The following AGPAT5 variants were observed in gnomAD, a reference collection of about 807,000 sequenced individuals.
The protein encoded by AGPAT5 is 1-acylglycerol-3-phosphate O-acyltransferase 5, also known as 1-acyl-sn-glycerol-3-phosphate acyltransferase epsilon.
AGPAT5 carries 46 observed loss-of-function variants against 45.6 expected under a neutral mutation model. The observed-to-expected ratio is 1.01, with a 90% CI of 0.80 to 1.29. The LOEUF (loss-of-function observed/expected upper bound fraction) is 1.29. Ranked by LOEUF, AGPAT5 falls within the 50% of genes most tolerant of loss-of-function variation. AGPAT5 has a pLI of 0.00. For missense variants in AGPAT5, 673 were observed against 450.7 expected (o/e 1.49, Z -4.47); for synonymous variants, 272 against 167.0 (o/e 1.63, Z -4.85).
At chr8:6,735,092 TGA>T (rs1221360771) in intron 4 of AGPAT5, among the ~76,000 whole-genome samples, 1 of 152,214 alleles carries the variant, frequency 6.6e-6, no homozygotes, top group African/African-American at 2.4e-5. Flanking sequence ...GAGCCTTCTC[TGA>T]TCCTGCCTTG....
chr8:6,727,191 T>G (rs766120538), intron 2 of AGPAT5, among the ~76,000 whole-genome samples: 1 of 152,222 alleles, frequency 6.6e-6, no homozygotes, highest in Non-Finnish European at 1.5e-5. Flanking sequence ...CCGGAATAAA[T>G]GAGTTTCCTG....
intron 1 of AGPAT5, among the ~76,000 whole-genome samples, chr8:6,714,965 C>G (rs1044349279): frequency 6.6e-6 from 1 of 152,122 alleles, no homozygotes; most frequent in Non-Finnish European, 1.5e-5. Context: ...ATTATGGTTT[C>G]TTAACTAGAG....
intron 1 of AGPAT5, among the ~76,000 whole-genome samples, chr8:6,711,014 T>C (rs1051054684): frequency 5.3e-5 from 8 of 152,152 alleles, no homozygotes; most frequent in Non-Finnish European, 7.4e-5. Context: ...AAGGGAGTTT[T>C]AGTAATTTAA....
intron 1 of AGPAT5, among the ~76,000 whole-genome samples, chr8:6,710,976 T>C (rs1408301438): frequency 1.3e-5 from 2 of 152,178 alleles, no homozygotes; most frequent in Non-Finnish European, 2.9e-5. Flanking sequence ...TCTCTTGTTC[T>C]GTATAAAGTA....
In AGPAT5 at chr8:6,755,018, T is replaced by TA. The variant is rs539276684; in HGVS notation, c.746-24dup. On this transcript the variant is annotated intron_variant, in intron 6 of 7. Transcript: ENST00000285518. ...TATATGACCATGAGTTCTAAAATAG[T>TA]AAAAAAAAAGAATTATTTTTGTTCT... 897 of 1,505,252 alleles carry TA rather than the reference T, an allele frequency of 6.0e-4. 1 individual carries two copies. The highest frequency in any genetic ancestry group is 4.0e-3 in the South Asian group (320 of 79,496). The allele number at this position is 1,505,252 out of a possible 1,614,324, so 93.2% of individuals were successfully genotyped here.
chr8:6,751,026 C>G (rs1032924774), intron 6 of AGPAT5, among the ~76,000 whole-genome samples: 1 of 152,108 alleles, frequency 6.6e-6, no homozygotes, highest in African/African-American at 2.4e-5. Flanking sequence ...TGAAAAAACT[C>G]TGCTTTCATT....
chr8:6,756,838 G>T (rs1236800075), intron 7 of AGPAT5, among the ~76,000 whole-genome samples: 5 of 152,096 alleles, frequency 3.3e-5, no homozygotes, highest in African/African-American at 1.2e-4. Context: ...AGAAGCTGCA[G>T]CGGGTTATTA....
chr8:6,731,952 T>A (rs1433352989), intron 3 of AGPAT5, among the ~76,000 whole-genome samples: 2 of 152,230 alleles, frequency 1.3e-5, no homozygotes, highest in Non-Finnish European at 2.9e-5. Context: ...TTAGAAGGAC[T>A]AGTTACACTG....
chr8:6,745,262 C>T (rs1177999151), intron 5 of AGPAT5: 2 of 154,394 alleles, frequency 1.3e-5, no homozygotes, highest in East Asian at 3.8e-4. Flanking sequence ...TTGATTCCGT[C>T]TACCCTGTCT....
intron 4 of AGPAT5, among the ~76,000 whole-genome samples, chr8:6,735,850 T>G (rs1801035155): frequency 1.8e-5 from 2 of 113,802 alleles, no homozygotes; most frequent in African/African-American, 8.0e-5. Flanking sequence ...TTATATAGCC[T>G]TTTTTTTTTT....
intron 1 of AGPAT5, among the ~76,000 whole-genome samples, chr8:6,715,886 G>A (rs1407141717): frequency 6.6e-6 from 1 of 152,294 alleles, no homozygotes; most frequent in Middle Eastern, 3.4e-3. Flanking sequence ...GAATGTTTAG[G>A]GAAAAGAGGT....
At chr8:6,714,385 T>C (rs1800253664) in intron 1 of AGPAT5, among the ~76,000 whole-genome samples, 1 of 152,214 alleles carries the variant, frequency 6.6e-6, no homozygotes, top group Admixed American at 6.5e-5. Flanking sequence ...TCTAACACAA[T>C]TAAATTCTGG....
intron 6 of AGPAT5, 64 bp from the exon 7 acceptor site, chr8:6,754,987 T>A: frequency 7.4e-7 from 1 of 1,342,390 alleles, no homozygotes; most frequent in Non-Finnish European, 9.9e-7. Flanking sequence ...ATTTTCATTT[T>A]TACTTTATAT....
chr8:6,742,517 G>C (rs564365934), intron 5 of AGPAT5, among the ~76,000 whole-genome samples: 3 of 152,146 alleles, frequency 2.0e-5, no homozygotes, highest in Admixed American at 1.3e-4. Context: ...CAAATACCTT[G>C]TTGGTGACAT....
At chr8:6,736,773 C>G (rs1388862030) in intron 4 of AGPAT5, among the ~76,000 whole-genome samples, 1 of 152,242 alleles carries the variant, frequency 6.6e-6, no homozygotes, top group Non-Finnish European at 1.5e-5. Context: ...GTTGCAGATG[C>G]ACGTGAGACC....
At position 6,735,848 on chromosome 8, in the gene AGPAT5, CCTTTTTTTTTTTT is replaced by C. The variant is rs1430752187; in HGVS notation, c.495+3199_495+3211del. On this transcript the variant is annotated intron_variant, in intron 4 of 7. Coordinates refer to ENST00000285518, the MANE Select transcript of AGPAT5 (RefSeq NM_018361.5). ...GTGTTCCTGTTTATTCTTTATATAGCCTTTTTTTTTTTTTTTTTTTTTTTGAGTTGGAGTCTCG... is the reference window on the plus strand; with the variant it reads ...GTGTTCCTGTTTATTCTTTATATAGCTTTTTTTTTTTGAGTTGGAGTCTCG... Among the ~76,000 whole-genome samples, 20 of 53,616 alleles carry C rather than the reference CCTTTTTTTTTTTT, an allele frequency of 3.7e-4. 1 individual carries two copies. In the Admixed American group the frequency reaches 5.8e-3, roughly 16 times the overall value. 35.2% of individuals were successfully genotyped at this position (53,616 alleles called of 152,430 possible). A position where few individuals can be genotyped will look rare whatever the true frequency, so the allele number is the denominator to read the frequency against.
At chr8:6,743,035 T>C (rs1229626102) in intron 5 of AGPAT5, among the ~76,000 whole-genome samples, 1 of 152,244 alleles carries the variant, frequency 6.6e-6, no homozygotes, top group African/African-American at 2.4e-5. Context: ...GTAAGCACTT[T>C]TTCCAGTACT....
intron 1 of AGPAT5, among the ~76,000 whole-genome samples, chr8:6,723,593 G>T (rs1410673007): frequency 6.6e-6 from 1 of 152,158 alleles, no homozygotes; most frequent in Non-Finnish European, 1.5e-5. Flanking sequence ...AGAGAATGGG[G>T]ATTTACTCAC....
chr8:6,760,236 A>T lies in AGPAT5; in HGVS notation c.*2848A>T, dbSNP rs551803905. Among the ~76,000 whole-genome samples the T allele has an allele frequency of 2.0e-4, 31 of 152,098 alleles. No individual in the cohort carries two copies. Among genetic ancestry groups the T allele is most frequent in the South Asian group, 1.2e-3 (6 of 4,806 alleles). ...TCGAGAACCTGTCTACAAAAAAATTAAAAAAAATTAGCCAGGCATGGTGGC... is the reference window on the plus strand; with the variant it reads ...TCGAGAACCTGTCTACAAAAAAATTTAAAAAAATTAGCCAGGCATGGTGGC... On this transcript the variant is annotated 3_prime_UTR_variant, in exon 8 of 8. Transcript: ENST00000285518.
Sources: gnomAD v4.1 joint callset for allele counts (sites outside exome capture counted in the v4.1 genomes callset) on GRCh38, gnomAD v4.1.1 for gene constraint, MANE v1.5 for transcripts, NCBI Gene and HGNC (gene_info 2026-07-23, HGNC 2026-07-21) for gene names.